Variants in SYN2 observed in about 807,000 individuals in gnomAD.
The protein encoded by SYN2 is synapsin II, also known as synapsin-2.
In SYN2, 19 loss-of-function variants were observed where a neutral mutation model predicts 50.9. The ratio of observed to expected loss-of-function variants is 0.37; its 90% confidence interval spans 0.26 to 0.55. The LOEUF is 0.55. Ranked by LOEUF, SYN2 falls within the 20% of genes least tolerant of loss-of-function variation. The pLI is 0.81. For missense variants in SYN2, 587 were observed against 576.4 expected, an observed-to-expected ratio of 1.02 and a Z score of -0.19; for synonymous variants, 255 against 224.9, an observed-to-expected ratio of 1.13 and a Z score of -1.20.
chr3:12,053,530 C>A (rs557791514), intron 1 of SYN2, among the ~76,000 whole-genome samples: 1 of 152,088 alleles, frequency 6.6e-6, no homozygotes, highest in South Asian at 2.1e-4. Flanking sequence ...CTCACAGCCC[C>A]CCTCTACACT....
Position 12,104,565 on chromosome 3 carries a change from C to CTTTTTTTTTTTTTTTTTTTT in SYN2, c.378-36082_378-36081insTTTTTTTTTTTTTTTTTTTT. 2.9e-5 allele frequency among the ~76,000 whole-genome samples: 2 copies of CTTTTTTTTTTTTTTTTTTTT among 68,582 alleles called. 1 individual carries two copies. Among genetic ancestry groups the CTTTTTTTTTTTTTTTTTTTT allele is most frequent in the African/African-American group, 1.2e-4 (2 of 16,956 alleles). 45.0% of individuals were successfully genotyped at this position (68,582 alleles called of 152,430 possible). On this transcript the variant is annotated intron_variant, in intron 1 of 12. Transcript: ENST00000621198. ...AGTACATGTGAAACATTTTTCTTTT[C>CTTTTTTTTTTTTTTTTTTTT]TTTTCTTTTTTTTTTTTTTTTTTTT... is the stretch of plus-strand genomic sequence containing the variant.
At chr3:12,082,498 A>G (rs1277287652) in intron 1 of SYN2, among the ~76,000 whole-genome samples, 1 of 152,234 alleles carries the variant, frequency 6.6e-6, no homozygotes, top group Non-Finnish European at 1.5e-5. Flanking sequence ...TAAGGATAGC[A>G]GTCTAAAGCT....
intron 1 of SYN2, among the ~76,000 whole-genome samples, chr3:12,082,494 T>C (rs1442699066): frequency 1.3e-5 from 2 of 152,248 alleles, no homozygotes; most frequent in Admixed American, 1.3e-4. Flanking sequence ...TTTGTAAGGA[T>C]AGCAGTCTAA....
In SYN2 at chr3:12,004,542, T is replaced by C. The variant is rs1476506367; in HGVS notation, c.-10T>C. 2 of 639,372 alleles carry C rather than the reference T, an allele frequency of 3.1e-6. No individual in the cohort carries two copies. Among genetic ancestry groups the C allele is most frequent in the Non-Finnish European group, 5.8e-6 (2 of 343,528 alleles). 39.6% of individuals were successfully genotyped at this position (639,372 alleles called of 1,614,324 possible). On this transcript the variant is annotated 5_prime_UTR_variant, in exon 1 of 13. Coordinates refer to ENST00000621198, the MANE Select transcript of SYN2 (RefSeq NM_133625.6). ...CCGTAGCCCCGCGCGCCCCCAGCCC[T>C]TTAAGCCAGATGATGAACTTCCTGC...
At chr3:12,011,439 A>G (rs1574884629) in intron 1 of SYN2, among the ~76,000 whole-genome samples, 1 of 152,196 alleles carries the variant, frequency 6.6e-6, no homozygotes, top group African/African-American at 2.4e-5. Context: ...TGGAGAGAAT[A>G]AAGTGAGCAG....
chr3:12,154,813 G>A (rs992680798), intron 5 of SYN2, among the ~76,000 whole-genome samples: 11 of 152,086 alleles, frequency 7.2e-5, no homozygotes, highest in African/African-American at 2.7e-4. Context: ...GCTGGAAGAT[G>A]AAAATTATAA....
At chr3:12,171,021 C>A (rs986555147) in intron 10 of SYN2, among the ~76,000 whole-genome samples, 1 of 152,192 alleles carries the variant, frequency 6.6e-6, no homozygotes, top group African/African-American at 2.4e-5. Flanking sequence ...GAGTAGAATA[C>A]TTCCGTCTTC....
intron 1 of SYN2, among the ~76,000 whole-genome samples, chr3:12,133,512 T>A (rs1363823784): frequency 6.6e-6 from 1 of 152,228 alleles, no homozygotes; most frequent in African/African-American, 2.4e-5. Flanking sequence ...TAAATGTCGT[T>A]GTCATTTCCC....
chr3:12,019,307 T>C (rs1694081853), intron 1 of SYN2, among the ~76,000 whole-genome samples: 1 of 152,190 alleles, frequency 6.6e-6, no homozygotes, highest in East Asian at 1.9e-4. Context: ...GCCCTTAGTA[T>C]TCAGTAGAGT....
intron 1 of SYN2, among the ~76,000 whole-genome samples, chr3:12,128,868 TCTCATTTA>T (rs1270769977): frequency 6.6e-6 from 1 of 152,124 alleles, no homozygotes; most frequent in Non-Finnish European, 1.5e-5. Context: ...TACTTTACAT[TCTCATTTA>T]CTCATTCAAC....
intron 1 of SYN2, 100 bp downstream of exon 1, chr3:12,005,028 A>C: frequency 2.6e-6 from 1 of 386,044 alleles, no homozygotes; most frequent in Non-Finnish European, 4.6e-6. Context: ...TTTCAGACCA[A>C]TAAAAAGGAG....
chr3:12,077,025 G>A (rs1374502695), intron 1 of SYN2, among the ~76,000 whole-genome samples: 1 of 152,154 alleles, frequency 6.6e-6, no homozygotes, highest in Non-Finnish European at 1.5e-5. Flanking sequence ...AGTGTTGGAA[G>A]TGGAGTTACA....
chr3:12,004,487 G>A lies in SYN2; in HGVS notation c.-65G>A. The A allele has an allele frequency of 4.7e-6, 2 of 421,734 alleles. No homozygotes were observed. Among genetic ancestry groups the A allele is most frequent in the Non-Finnish European group, 4.6e-6 (1 of 218,650 alleles). 26.1% of individuals were successfully genotyped at this position (421,734 alleles called of 1,614,324 possible). ...CTCAGTCGCCTCAATCTCGCCTTCC[G>A]CCCTCGCTCTCCCTCCGCGCCACCA... On this transcript the variant is annotated 5_prime_UTR_variant, in exon 1 of 13. Transcript: ENST00000621198.
chr3:12,019,574 A>G (rs1164347292), intron 1 of SYN2, among the ~76,000 whole-genome samples: 8 of 152,194 alleles, frequency 5.3e-5, no homozygotes, highest in East Asian at 1.9e-4. Context: ...GGATGAGACT[A>G]ATTTTCCTGT....
At chr3:12,188,924 G>T (rs1388352628) in intron 12 of SYN2, among the ~76,000 whole-genome samples, 3 of 152,328 alleles carry the variant, frequency 2.0e-5, no homozygotes, top group Non-Finnish European at 4.4e-5. Context: ...GGCTGAAGCT[G>T]TTGAATAGAG....
At chr3:12,026,931 G>T (rs1694273546) in intron 1 of SYN2, among the ~76,000 whole-genome samples, 1 of 152,196 alleles carries the variant, frequency 6.6e-6, no homozygotes, top group Non-Finnish European at 1.5e-5. Flanking sequence ...AGTGATTCCA[G>T]TTAGAGCCTT....
intron 1 of SYN2, among the ~76,000 whole-genome samples, chr3:12,012,807 A>C (rs767108885): frequency 1.3e-5 from 2 of 152,036 alleles, no homozygotes; most frequent in Non-Finnish European, 2.9e-5. Context: ...CCTTCTGTTC[A>C]TATTCTCATT....
At chr3:12,013,142 AT>A (rs1241140559) in intron 1 of SYN2, among the ~76,000 whole-genome samples, 1 of 152,146 alleles carries the variant, frequency 6.6e-6, no homozygotes, top group Non-Finnish European at 1.5e-5. Flanking sequence ...AAATTTTTAA[AT>A]AGTTTTGTAA....
chr3:12,189,417 A>C (rs73813146), intron 12 of SYN2, among the ~76,000 whole-genome samples: 5,194 of 152,274 alleles, frequency 0.034, 283 homozygotes, highest in African/African-American at 0.12. Context: ...AAGGCCTGAT[A>C]TATATCTCTT....
Sources: gnomAD v4.1 joint callset for allele counts (sites outside exome capture counted in the v4.1 genomes callset) on GRCh38, gnomAD v4.1.1 for gene constraint, MANE v1.5 for transcripts, NCBI Gene and HGNC (gene_info 2026-07-23, HGNC 2026-07-21) for gene names.